ACTR8: variants seen among roughly 807,000 people sequenced by gnomAD.
The protein encoded by ACTR8 is actin-related protein 8.
Under a neutral mutation model 84.3 loss-of-function variants are expected in ACTR8, and 70 were observed. The observed-to-expected ratio is 0.83, with a 90% CI of 0.68 to 1.01. The LOEUF is 1.01. Among genes scored for constraint, ACTR8 ranks in the 50% least tolerant of loss-of-function variants. The probability of loss-of-function intolerance (pLI) is 0.00; values close to 1 mark genes in which losing one functional copy is unlikely to be tolerated. For missense variants in ACTR8, 672 were observed against 775.4 expected (o/e 0.87, Z 1.58); for synonymous variants, 268 against 275.2 (o/e 0.97, Z 0.26).
Position 53,871,452 on chromosome 3 carries a change from A to T in ACTR8, c.1347T>A (p.Ile449=). ...TADRKSASKP[I]GFEGDLRGQS... ...GGCCACGAAGATCCCCTTCAAATCC[A>T]ATAGGTTTGGATGCAGACTTTCGGT... Residue 449 remains isoleucine, a synonymous_variant, in exon 11 of 13, where the codon ATT becomes ATA. Transcript: ENST00000335754. 6.2e-7 allele frequency: 1 copy of T among 1,614,186 alleles called. No homozygotes were observed. The highest frequency in any genetic ancestry group is 8.5e-7 in the Non-Finnish European group (1 of 1,180,036).
Position 53,877,297 on chromosome 3 carries a change from G to A in ACTR8, c.601C>T (p.Leu201Phe), listed in dbSNP as rs1699990250. 2.5e-6 allele frequency: 4 copies of A among 1,614,008 alleles called. No individual in the cohort carries two copies. In the South Asian group the frequency reaches 3.3e-5, roughly 13 times the overall value. ...TCAATATCTGCCAGAACAGCTGTAA[G>A]AGAGCCCCCAGGGCCTGGGTGAATA... ...LNIHPGPGGS[L>F]TAVLADIEVI... Residue 201 changes from leucine (L) to phenylalanine (F), a missense_variant, in exon 5 of 13, where the codon CTT becomes TTT. Leu to Phe is a conservative substitution (Grantham distance 22). Transcript: ENST00000335754.
chr3:53,871,184 T>G, intron 11 of ACTR8, 48 bp downstream of exon 11: 2 of 1,589,950 alleles, frequency 1.3e-6, no homozygotes, highest in Admixed American at 1.7e-5. Context: ...TTTATTTAAC[T>G]GCTATCTTGT....
downstream of ACTR8, chr3:53,865,046 G>T: frequency 6.2e-7 from 1 of 1,614,186 alleles, no homozygotes; most frequent in Non-Finnish European, 8.5e-7. Context: ...GGCAGTCCCA[G>T]TGAGAACTCT....
chr3:53,879,403 A>G (rs1700026078), intron 2 of ACTR8, among the ~76,000 whole-genome samples: 1 of 152,344 alleles, frequency 6.6e-6, no homozygotes, highest in African/African-American at 2.4e-5. Flanking sequence ...GATGTAATAT[A>G]TAGATTTATC....
chr3:53,865,243 G>A, downstream of ACTR8: 1 of 1,613,072 alleles, frequency 6.2e-7, no homozygotes. Flanking sequence ...ACTTCTCCAT[G>A]TCAAGCAGCA....
At chr3:53,863,821 ATTT>A (rs11318618), downstream of ACTR8, among the ~76,000 whole-genome samples, 23,342 of 138,176 alleles carry the variant, frequency 0.17, 1,971 homozygotes, top group African/African-American at 0.23. Flanking sequence ...ACCTCAAAGT[ATTT>A]TTTTTTTTTT....
At position 53,874,254 on chromosome 3, in the gene ACTR8, A is replaced by C. The variant is rs766954295; in HGVS notation, c.1022T>G (p.Leu341Arg). ...AGTTTCTTTAAGGTGTTGCAGAAGA[A>C]GACAATCCATTTTATTTGTTAACTG... ...ECQLTNKMDC[L>R]LLQHLKETFC... The change falls in exon 8 of 13, where the codon CTT (leucine) becomes CGT (arginine). Residue 341 changes from leucine (L) to arginine (R), a missense_variant. Transcript: ENST00000335754. 5.6e-6 allele frequency: 9 copies of C among 1,614,234 alleles called. No homozygotes were observed. The South Asian group carries it at 6.6e-5, about 12-fold the overall frequency.
At chr3:53,864,841 A>G, downstream of ACTR8, 1 of 1,614,156 alleles carries the variant, frequency 6.2e-7, no homozygotes, top group Non-Finnish European at 8.5e-7. Flanking sequence ...CCATCACACA[A>G]TTTGTTACTT....
At chr3:53,859,500 A>C in the ACTR8 span, 2 of 152,510 alleles carry the variant, frequency 1.3e-5, no homozygotes, top group Non-Finnish European at 1.5e-5. Context: ...TCTGTGCCTG[A>C]GCTTACCTGA....
chr3:53,875,313 C>T (rs888854306), intron 7 of ACTR8, among the ~76,000 whole-genome samples: 7 of 152,174 alleles, frequency 4.6e-5, no homozygotes, highest in East Asian at 3.9e-4. Context: ...ATGTGGAGGA[C>T]GGGAAGAATG....
downstream of ACTR8, chr3:53,864,681 G>A: frequency 8.3e-7 from 1 of 1,205,730 alleles, no homozygotes. Flanking sequence ...TGTCAGGGAT[G>A]GTTTACAGAG....
Position 53,880,124 on chromosome 3 carries a change from C to T in ACTR8, c.124-15G>A, listed in dbSNP as rs747753528. Reference sequence around the variant, plus strand: ...CTCTGGATTTGCTGCAGATATAAAACATAGATGTGTGACTTTGTAAATAAT... The same window carrying T: ...CTCTGGATTTGCTGCAGATATAAAATATAGATGTGTGACTTTGTAAATAAT... On this transcript the variant is annotated splice_polypyrimidine_tract_variant and intron_variant, in intron 1 of 12. Coordinates refer to ENST00000335754, the MANE Select transcript of ACTR8 (RefSeq NM_022899.5). 6.2e-7 allele frequency: 1 copy of T among 1,606,756 alleles called. No individual in the cohort carries two copies. The highest frequency in any genetic ancestry group is 8.5e-7 in the Non-Finnish European group (1 of 1,174,058).
At chr3:53,876,539 A>C (rs1005879523) in intron 6 of ACTR8, 81 bp downstream of exon 6, 25 of 799,650 alleles carry the variant, frequency 3.1e-5, no homozygotes, top group Non-Finnish European at 4.9e-5. Context: ...ATAAATAAAT[A>C]AGTCAGTAAA....
At chr3:53,860,260 G>C in the ACTR8 span, 1 of 1,535,650 alleles carries the variant, frequency 6.5e-7, no homozygotes, top group Non-Finnish European at 8.9e-7. Context: ...AGACATCCTA[G>C]TAAGGAAATA....
chr3:53,878,522 A>G, intron 2 of ACTR8, 55 bp from the exon 3 acceptor site: 1 of 1,083,036 alleles, frequency 9.2e-7, no homozygotes. Flanking sequence ...AAGACAAAGC[A>G]ATTCAAAAAC....
Position 53,877,771 on chromosome 3 carries a change from G to A in ACTR8, c.406-20C>T. The A allele has an allele frequency of 1.2e-6, 2 of 1,601,150 alleles. No individual in the cohort carries two copies. Among genetic ancestry groups the A allele is most frequent in the Non-Finnish European group, 1.7e-6 (2 of 1,168,504 alleles). Reference sequence around the variant, plus strand: ...GCGTGCCTGAAAAGAAAAACCATCAGAAAATTATCTCAATTTATTCAAGGC... The same window carrying A: ...GCGTGCCTGAAAAGAAAAACCATCAAAAAATTATCTCAATTTATTCAAGGC... On this transcript the variant is annotated intron_variant, in intron 3 of 12. Transcript: ENST00000335754.
At chr3:53,878,003 G>A (rs998071783) in intron 3 of ACTR8, among the ~76,000 whole-genome samples, 1 of 152,168 alleles carries the variant, frequency 6.6e-6, no homozygotes, top group Admixed American at 6.5e-5. Context: ...GCTGCTTAAA[G>A]CTGAATTCAA....
At position 53,878,435 on chromosome 3, in the gene ACTR8, G is replaced by A. The variant is rs1216060731; in HGVS notation, c.327C>T (p.Gly109=). Residue 109 remains glycine, a synonymous_variant, in exon 3 of 13, where the codon GGC becomes GGT. Transcript: ENST00000335754. ...ATATTGCTTGATCCACCATTTTAAG[G>A]CCATTTTGTCTTTGTTCATTACTTT... ...KPESNEQRQN[G]LKMVDQAIWS... is the part of the protein sequence containing the mutation. The A allele has an allele frequency of 5.0e-6, 8 of 1,613,120 alleles. No individual in the cohort carries two copies. The highest frequency in any genetic ancestry group is 5.9e-6 in the Non-Finnish European group (7 of 1,179,648).
In ACTR8 at chr3:53,876,085, G is replaced by C. The variant is rs745789088; in HGVS notation, c.779-5C>G. 18 of 1,582,598 alleles carry C rather than the reference G, an allele frequency of 1.1e-5. No individual in the cohort carries two copies. The highest frequency in any genetic ancestry group is 3.6e-5 in the Admixed American group (2 of 55,816). ...ACTCCTGATGGACCACAATCCCTGG[G>C]GGGGGAAAAGAAAAGGCAGAGTAGT... On this transcript the variant is annotated splice_polypyrimidine_tract_variant and splice_region_variant and intron_variant, in intron 6 of 12. Coordinates refer to ENST00000335754, the MANE Select transcript of ACTR8 (RefSeq NM_022899.5).
Sources: allele counts gnomAD v4.1 joint callset (sites outside exome capture counted in the v4.1 genomes callset), GRCh38; gene constraint gnomAD v4.1.1; transcripts MANE v1.5; gene names NCBI Gene and HGNC (gene_info 2026-07-23, HGNC 2026-07-21).